NAPB: variants seen among roughly 807,000 people sequenced by gnomAD.
NAPB encodes beta-soluble NSF attachment protein.
NAPB carries 26 observed loss-of-function variants against 44.7 expected under a neutral mutation model. That is an observed-to-expected ratio of 0.58 (90% CI 0.43 to 0.81). NAPB has a LOEUF of 0.81. Ranked by LOEUF, NAPB falls within the 30% of genes least tolerant of loss-of-function variation. The pLI, the probability that NAPB is intolerant of heterozygous loss-of-function variation, is 0.00. For synonymous variants in NAPB, 120 were observed against 116.8 expected (o/e 1.03, Z -0.18); for missense variants, 315 against 356.4 (o/e 0.88, Z 0.94).
intron 7 of NAPB, among the ~76,000 whole-genome samples, chr20:23,384,935 A>G (rs1485731129): frequency 3.3e-5 from 5 of 152,112 alleles, no homozygotes; most frequent in Non-Finnish European, 7.4e-5. Flanking sequence ...CCTGGCCAAC[A>G]TGGTGAAATC....
chr20:23,415,903 T>C (rs1021253768), intron 1 of NAPB, among the ~76,000 whole-genome samples: 23 of 152,194 alleles, frequency 1.5e-4, no homozygotes, highest in African/African-American at 5.5e-4. Context: ...GAGGTCAAGG[T>C]TGAAGTGAGC....
At chr20:23,411,379 C>T (rs1164326630) in intron 1 of NAPB, among the ~76,000 whole-genome samples, 1 of 152,044 alleles carries the variant, frequency 6.6e-6, no homozygotes, top group Non-Finnish European at 1.5e-5. Flanking sequence ...CGGAGCAAAA[C>T]AACAGTGGAA....
intron 1 of NAPB, among the ~76,000 whole-genome samples, chr20:23,405,709 G>C (rs1041832004): frequency 1.3e-5 from 2 of 152,142 alleles, no homozygotes; most frequent in African/African-American, 2.4e-5. Flanking sequence ...GGGTGACACA[G>C]AGACTCCGTC....
chr20:23,416,044 C>G (rs971101550), intron 1 of NAPB, among the ~76,000 whole-genome samples: 1 of 152,136 alleles, frequency 6.6e-6, no homozygotes, highest in Non-Finnish European at 1.5e-5. Flanking sequence ...CTCTTGAAAA[C>G]TAGGTAAGAA....
intron 2 of NAPB, among the ~76,000 whole-genome samples, chr20:23,398,853 AATTTT>A (rs1387310603): frequency 7.4e-6 from 1 of 135,030 alleles, no homozygotes; most frequent in African/African-American, 3.1e-5. Context: ...TCAAAAAAAA[AATTTT>A]TTTTTTTTTT....
intron 8 of NAPB, 48 bp from the exon 9 acceptor site, chr20:23,379,983 A>C: frequency 6.7e-7 from 1 of 1,485,816 alleles, no homozygotes. Context: ...TAAACAAACA[A>C]AGCTTTCAAC....
In NAPB at chr20:23,397,136, G is replaced by T. The variant is rs1194166657; in HGVS notation, c.231C>A (p.Ser77Arg). The change falls in exon 3 of 11, where the codon AGC becomes AGA. Residue 77 changes from serine (S) to arginine (R), a missense_variant. Physicochemically the swap from Ser to Arg is moderately radical, Grantham distance 110 (BLOSUM62 -1). Transcript: ENST00000377026. The stretch of plus-strand genomic sequence containing the variant: ...CAAAGCTGGTAGCAGAGTCATGTTT[G>T]CTCTGAAGCTGCATGTGGAGCTTGG... ...QAAKLHMQLQ[S>R]KHDSATSFVD... 1 of 1,613,528 alleles carries T rather than the reference G, an allele frequency of 6.2e-7. No homozygotes were observed. The highest frequency in any genetic ancestry group is 1.3e-5 in the African/African-American group (1 of 74,908).
chr20:23,380,106 AT>A (rs1982873284), intron 8 of NAPB, among the ~76,000 whole-genome samples, 171 bp from the exon 9 acceptor site: 1 of 152,258 alleles, frequency 6.6e-6, no homozygotes, highest in Non-Finnish European at 1.5e-5. Flanking sequence ...TGAATTTTCC[AT>A]TTCAATAAAG....
At chr20:23,413,213 G>A (rs1373944801) in intron 1 of NAPB, among the ~76,000 whole-genome samples, 1 of 151,534 alleles carries the variant, frequency 6.6e-6, no homozygotes, top group Non-Finnish European at 1.5e-5. Flanking sequence ...ATCTCAGTAA[G>A]TTCTCTGATC....
chr20:23,386,721 A>G (rs1055159578), intron 7 of NAPB, among the ~76,000 whole-genome samples: 1 of 152,204 alleles, frequency 6.6e-6, no homozygotes, highest in Non-Finnish European at 1.5e-5. Flanking sequence ...AGTGCTGTTT[A>G]CATAACTCCA....
intron 1 of NAPB, 60 bp from the exon 2 acceptor site, chr20:23,403,132 C>T: frequency 1.6e-6 from 2 of 1,215,426 alleles, no homozygotes; most frequent in South Asian, 2.5e-5. Context: ...TTCTCCCTCC[C>T]TCAAATGATT....
chr20:23,395,468 CTG>C (rs1984291544), intron 3 of NAPB, among the ~76,000 whole-genome samples: 1 of 152,166 alleles, frequency 6.6e-6, no homozygotes, highest in Admixed American at 6.5e-5. Flanking sequence ...AGGCAAAAGA[CTG>C]TATTATAAAG....
chr20:23,394,130 G>A (rs1359411900), intron 5 of NAPB, among the ~76,000 whole-genome samples: 2 of 152,292 alleles, frequency 1.3e-5, no homozygotes, highest in East Asian at 1.9e-4. Flanking sequence ...TCTAATGACT[G>A]TCAGCAGTAG....
intron 7 of NAPB, among the ~76,000 whole-genome samples, chr20:23,385,821 A>G (rs1983474987): frequency 6.6e-6 from 1 of 152,180 alleles, no homozygotes; most frequent in Non-Finnish European, 1.5e-5. Context: ...TATATTAAAG[A>G]ACTCGACAAT....
In NAPB at chr20:23,394,434, T is replaced by C. The variant is rs117040315; in HGVS notation, c.420+488A>G. 3.3e-3 allele frequency among the ~76,000 whole-genome samples: 496 copies of C among 152,168 alleles called. 2 individuals carry two copies. The highest frequency in any genetic ancestry group is 4.7e-3 in the Non-Finnish European group (321 of 67,976). On this transcript the variant is annotated intron_variant, in intron 5 of 10. Transcript: ENST00000377026. ...ACATCTGAGAATCCAGTCCCAGACATGTTGGGTTAGAGATGACTGCTGGAC... is the reference window on the plus strand; with the variant it reads ...ACATCTGAGAATCCAGTCCCAGACACGTTGGGTTAGAGATGACTGCTGGAC...
At chr20:23,421,254 G>T in intron 1 of NAPB, 51 bp downstream of exon 1, 3 of 1,414,756 alleles carry the variant, frequency 2.1e-6, no homozygotes, top group South Asian at 1.3e-5. Flanking sequence ...AAGGAAGGGG[G>T]CCAAGTACGG....
intron 5 of NAPB, among the ~76,000 whole-genome samples, chr20:23,393,994 A>G (rs1409101007): frequency 6.6e-6 from 1 of 152,132 alleles, no homozygotes; most frequent in East Asian, 1.9e-4. Flanking sequence ...CAAGAGGAGG[A>G]GAATAACAGA....
chr20:23,405,735 A>G (rs1985206900), intron 1 of NAPB, among the ~76,000 whole-genome samples: 1 of 152,222 alleles, frequency 6.6e-6, no homozygotes, highest in African/African-American at 2.4e-5. Context: ...ACAAAAAAAA[A>G]GCTAAGGAGT....
At chr20:23,382,348 A>C (rs1230873521) in intron 7 of NAPB, among the ~76,000 whole-genome samples, 1 of 152,238 alleles carries the variant, frequency 6.6e-6, no homozygotes. Context: ...GAGAACGTTT[A>C]AACAAGACCC....
Sources: gnomAD v4.1 joint callset for allele counts (sites outside exome capture counted in the v4.1 genomes callset) on GRCh38, gnomAD v4.1.1 for gene constraint, MANE v1.5 for transcripts, NCBI Gene and HGNC (gene_info 2026-07-23, HGNC 2026-07-21) for gene names.